UBE2E1: variants seen among roughly 807,000 people sequenced by gnomAD.
UBE2E1 encodes the protein ubiquitin conjugating enzyme E2 E1, also known as ubiquitin-conjugating enzyme E2 E1.
In UBE2E1, 6 loss-of-function variants were observed where a neutral mutation model predicts 21.4. The ratio of observed to expected loss-of-function variants is 0.28; its 90% CI spans 0.15 to 0.55. The LOEUF (loss-of-function observed/expected upper bound fraction) is 0.55. Among genes scored for constraint, UBE2E1 ranks in the 20% least tolerant of loss-of-function variants. The probability of loss-of-function intolerance (pLI) is 0.93; values close to 1 mark genes in which losing one functional copy is unlikely to be tolerated. For missense variants in UBE2E1, 142 were observed against 236.5 expected (o/e 0.60, Z 2.62); for synonymous variants, 87 against 82.7 (o/e 1.05, Z -0.28).
At chr3:23,886,871 G>T (rs1032551694) in intron 3 of UBE2E1, among the ~76,000 whole-genome samples, 1 of 152,192 alleles carries the variant, frequency 6.6e-6, no homozygotes, top group Non-Finnish European at 1.5e-5. Flanking sequence ...CCAACACAAT[G>T]CTTTAGAATG....
chr3:23,807,064 G>T (rs1699294319), intron 1 of UBE2E1, 173 bp from the exon 2 acceptor site: 1 of 500,870 alleles, frequency 2.0e-6, no homozygotes, highest in African/African-American at 2.0e-5. Flanking sequence ...AAATAAACAA[G>T]CCGCGTCCGA....
At chr3:23,879,292 G>A in intron 3 of UBE2E1, 1 of 880,264 alleles carries the variant, frequency 1.1e-6, no homozygotes, top group South Asian at 1.3e-5. Context: ...AAGTGAAAAG[G>A]GACTGTTTTA....
chr3:23,810,733 C>A lies in UBE2E1; in HGVS notation c.153-727C>A, dbSNP rs1056440243. ...AGCTGGGGCGGCGCGGAGCAGCCCC[C>A]GTGCGGGCACCCTGTTCCCCTCCCC... On this transcript the variant is annotated intron_variant, in intron 2 of 5. Coordinates refer to ENST00000306627, the MANE Select transcript of UBE2E1 (RefSeq NM_003341.5). The surrounding 1 kb of genome is among the most constrained non-coding windows in gnomAD (Gnocchi z 5.8). 1.3e-5 allele frequency: 5 copies of A among 387,012 alleles called. No individual in the cohort carries two copies. The highest frequency in any genetic ancestry group is 4.3e-5 in the African/African-American group (2 of 46,734). The allele number at this position is 387,012 out of a possible 1,614,324, so 24.0% of individuals were successfully genotyped here. A position where few individuals can be genotyped will look rare whatever the true frequency, so the allele number is the denominator to read the frequency against.
At chr3:23,841,088 T>C (rs1175313148) in intron 3 of UBE2E1, among the ~76,000 whole-genome samples, 1 of 152,232 alleles carries the variant, frequency 6.6e-6, no homozygotes, top group Non-Finnish European at 1.5e-5. Flanking sequence ...TTCATGCTGT[T>C]TCAGCTTTTA....
Position 23,890,704 on chromosome 3 carries a change from G to C in UBE2E1, c.*98G>C. 3 of 1,070,734 alleles carry C rather than the reference G, an allele frequency of 2.8e-6. No individual in the cohort carries two copies. The highest frequency in any genetic ancestry group is 4.0e-6 in the Non-Finnish European group (3 of 754,958). 66.3% of individuals were successfully genotyped at this position (1,070,734 alleles called of 1,614,324 possible). A position where few individuals can be genotyped will look rare whatever the true frequency, so the allele number is the denominator to read the frequency against. On this transcript the variant is annotated 3_prime_UTR_variant, in exon 6 of 6. Transcript: ENST00000306627. ...GGAGGGTGGGAGTTGGTAAAGAGTA[G>C]GGTATTTCTATAACAGATATTATTC...
Position 23,838,748 on chromosome 3 carries a change from C to T in UBE2E1, c.203+27238C>T, listed in dbSNP as rs1009764214. Among the ~76,000 whole-genome samples, 9 of 152,248 alleles carry T rather than the reference C, an allele frequency of 5.9e-5. No homozygotes were observed. In the South Asian group the frequency reaches 1.9e-3, roughly 32 times the overall value. ...CTGAGCTGAAGGGATCTGCCTGCCTCGGCCTCCCAGAGTGCCGGGATTACA... is the reference window on the plus strand; with the variant it reads ...CTGAGCTGAAGGGATCTGCCTGCCTTGGCCTCCCAGAGTGCCGGGATTACA... On this transcript the variant is annotated intron_variant, in intron 3 of 5. Transcript: ENST00000306627.
In UBE2E1 at chr3:23,888,618, G is replaced by A. The variant is rs189406883; in HGVS notation, c.337-494G>A. 2.2e-3 allele frequency among the ~76,000 whole-genome samples: 329 copies of A among 152,180 alleles called. 2 individuals carry two copies. The highest frequency in any genetic ancestry group is 2.5e-3 in the Non-Finnish European group (172 of 68,010). ...GGATGTCTATAGGACCTGATGTAAC[G>A]GTCAGAAAAAAGCAGAAATAGACTT... On this transcript the variant is annotated intron_variant, in intron 4 of 5. Transcript: ENST00000306627.
chr3:23,838,099 G>A (rs1302357423), intron 3 of UBE2E1, among the ~76,000 whole-genome samples: 1 of 151,798 alleles, frequency 6.6e-6, no homozygotes, highest in Non-Finnish European at 1.5e-5. Flanking sequence ...ACAAGGTCTT[G>A]TTCTGTTGCC....
intron 3 of UBE2E1, among the ~76,000 whole-genome samples, chr3:23,883,120 C>T (rs554578983): frequency 2.0e-5 from 3 of 152,318 alleles, no homozygotes; most frequent in African/African-American, 7.2e-5. Context: ...AATTTCAACC[C>T]TCCTTTTCCC....
chr3:23,808,788 A>T lies in UBE2E1; in HGVS notation c.152+1367A>T, dbSNP rs1198829109. 6.6e-6 allele frequency: 1 copy of T among 152,236 alleles called. No homozygotes were observed. The highest frequency in any genetic ancestry group is 1.5e-5 in the Non-Finnish European group (1 of 68,080). The allele number at this position is 152,236 out of a possible 1,614,324, so 9.4% of individuals were successfully genotyped here. On this transcript the variant is annotated intron_variant, in intron 2 of 5. Transcript: ENST00000306627. The surrounding 1 kb of genome is among the most constrained non-coding windows in gnomAD (Gnocchi z 4.9). ...CTGGAACCTGACATCTACTCTGCCC[A>T]CTTGGGACGGGCCCTTCCTTAATAC...
At chr3:23,813,141 AAT>A (rs1278281212) in intron 3 of UBE2E1, among the ~76,000 whole-genome samples, 1 of 152,162 alleles carries the variant, frequency 6.6e-6, no homozygotes, top group East Asian at 1.9e-4. Context: ...AACGTTTGGG[AAT>A]TACCTGTGGT....
chr3:23,883,299 C>T (rs1198664742), intron 3 of UBE2E1, among the ~76,000 whole-genome samples: 1 of 152,100 alleles, frequency 6.6e-6, no homozygotes, highest in Non-Finnish European at 1.5e-5. Context: ...CTTAGGTGAC[C>T]TGAGGGCAAA....
chr3:23,873,805 G>A (rs949568896), intron 3 of UBE2E1, among the ~76,000 whole-genome samples: 3 of 152,240 alleles, frequency 2.0e-5, no homozygotes, highest in African/African-American at 7.2e-5. Context: ...GTGCAGGGAG[G>A]TGTTCTGATT....
rs1375594606 is a variant in UBE2E1 at position 23,808,707 on chromosome 3, G to A, written c.152+1286G>A. 3 of 152,198 alleles carry A rather than the reference G, an allele frequency of 2.0e-5. No homozygotes were observed. Among genetic ancestry groups the A allele is most frequent in the Non-Finnish European group, 4.4e-5 (3 of 68,068 alleles). The allele number at this position is 152,198 out of a possible 1,614,324, so 9.4% of individuals were successfully genotyped here. ...TCATTTTTATAGGTTTGGTTTGATT[G>A]TACAGCTTCTCAGGAGGCCTGACTG... On this transcript the variant is annotated intron_variant, in intron 2 of 5. Coordinates refer to ENST00000306627, the MANE Select transcript of UBE2E1 (RefSeq NM_003341.5). The surrounding 1 kb of genome is among the most constrained non-coding windows in gnomAD (Gnocchi z 4.9).
intron 3 of UBE2E1, among the ~76,000 whole-genome samples, chr3:23,884,236 GAGA>G (rs1701124688): frequency 8.4e-6 from 1 of 118,642 alleles, no homozygotes; most frequent in African/African-American, 3.4e-5. Flanking sequence ...AAACAGATTA[GAGA>G]GATAGCAATC....
intron 3 of UBE2E1, among the ~76,000 whole-genome samples, chr3:23,845,585 CTCTCTG>C (rs1700181996): frequency 1.0e-5 from 1 of 97,994 alleles, no homozygotes; most frequent in Non-Finnish European, 2.1e-5. Flanking sequence ...CTCTCTCTCT[CTCTCTG>C]TGTGTGTGTG....
At chr3:23,859,473 ATCTGCTTACCAGTG>A (rs1408127928) in intron 3 of UBE2E1, among the ~76,000 whole-genome samples, 1 of 152,174 alleles carries the variant, frequency 6.6e-6, no homozygotes, top group Non-Finnish European at 1.5e-5. Flanking sequence ...ACCCATATCT[ATCTGCTTACCAGTG>A]TCTGCTTACC....
rs1700763000 is a variant in UBE2E1, at chr3:23,870,636, T to C, written c.204-16931T>C. Among the ~76,000 whole-genome samples the C allele has an allele frequency of 6.6e-6, 1 of 152,146 alleles. No homozygotes were observed. Among genetic ancestry groups the C allele is most frequent in the African/African-American group, 2.4e-5 (1 of 41,422 alleles). Reference sequence around the variant, plus strand: ...TCTCTTATTTCCAAAACTATAAAACTGTTCACTTATATTTTCTTCAAGTTC... The same window carrying C: ...TCTCTTATTTCCAAAACTATAAAACCGTTCACTTATATTTTCTTCAAGTTC... On this transcript the variant is annotated intron_variant, in intron 3 of 5. Coordinates refer to ENST00000306627, the MANE Select transcript of UBE2E1 (RefSeq NM_003341.5). The surrounding 1 kb of genome is among the most constrained non-coding windows in gnomAD (Gnocchi z 4.2).
rs1339829494 is a variant in UBE2E1 at position 23,806,850 on chromosome 3, A to G, written c.-33-387A>G. ...CACCGGCCCCTCACGACCCCCGGAA[A>G]GCGGACAAAAACAGCCCCGAGGCCG... is the stretch of plus-strand genomic sequence containing the variant. On this transcript the variant is annotated intron_variant, in intron 1 of 5. Coordinates refer to ENST00000306627, the MANE Select transcript of UBE2E1 (RefSeq NM_003341.5). This position sits in a 1 kb window ranked among gnomAD's most constrained non-coding sequence, Gnocchi z 6.5. The G allele has an allele frequency of 1.9e-5, 3 of 155,356 alleles. No individual in the cohort carries two copies. The highest frequency in any genetic ancestry group is 4.2e-5 in the Non-Finnish European group (3 of 70,852). The allele number at this position is 155,356 out of a possible 1,614,324, so 9.6% of individuals were successfully genotyped here. A position where few individuals can be genotyped will look rare whatever the true frequency, so the allele number is the denominator to read the frequency against.
Sources: allele counts gnomAD v4.1 joint callset (sites outside exome capture counted in the v4.1 genomes callset), GRCh38; gene constraint gnomAD v4.1.1; non-coding constraint Gnocchi (gnomAD v3.1); transcripts MANE v1.5; gene names NCBI Gene and HGNC (gene_info 2026-07-23, HGNC 2026-07-21).